The following GLIS3 variants were observed in gnomAD, a reference collection of about 807,000 sequenced individuals.
The protein encoded by GLIS3 is GLIS family zinc finger 3.
A neutral mutation model predicts 78.6 loss-of-function variants in GLIS3; 53 were observed. The ratio of observed to expected loss-of-function variants is 0.67; its 90% CI spans 0.54 to 0.85. GLIS3 has a LOEUF of 0.85. Among genes scored for constraint, GLIS3 ranks in the 40% least tolerant of loss-of-function variants. GLIS3 has a pLI of 0.00. For synonymous variants in GLIS3, 684 were observed against 509.9 expected, an observed-to-expected ratio of 1.34 and a Z score of -4.60; for missense variants, 1,703 against 1,231.1, an observed-to-expected ratio of 1.38 and a Z score of -5.74.
the GLIS3 span, among the ~76,000 whole-genome samples, chr9:4,404,526 G>A: frequency 6.6e-6 from 1 of 152,190 alleles, no homozygotes; most frequent in Non-Finnish European, 1.5e-5. Context: ...CATCTTCTCT[G>A]ATCACATTGG....
At chr9:4,065,367 T>C (rs1028901663) in intron 4 of GLIS3, among the ~76,000 whole-genome samples, 1 of 152,254 alleles carries the variant, frequency 6.6e-6, no homozygotes, top group African/African-American at 2.4e-5. Flanking sequence ...TAATATTTGT[T>C]TTATTTTAAC....
At chr9:4,360,926 C>T in the GLIS3 span, among the ~76,000 whole-genome samples, 3 of 152,302 alleles carry the variant, frequency 2.0e-5, no homozygotes, top group Admixed American at 6.5e-5. Flanking sequence ...TATCTGATGG[C>T]ATTATTTCCA....
chr9:4,059,410 A>C (rs773020566), intron 4 of GLIS3, among the ~76,000 whole-genome samples: 2 of 152,164 alleles, frequency 1.3e-5, no homozygotes, highest in Non-Finnish European at 2.9e-5. Flanking sequence ...ACTACAGAAA[A>C]CTGCCAGAGT....
rs145302465 is a variant in GLIS3, at chr9:3,997,630, C to T, written c.1711-60441G>A. Among the ~76,000 whole-genome samples, 41 of 151,784 alleles carry T rather than the reference C, an allele frequency of 2.7e-4. No homozygotes were observed. The East Asian group carries it at 5.6e-3, about 21-fold the overall frequency. On this transcript the variant is annotated intron_variant, in intron 4 of 10. Coordinates refer to ENST00000381971, the MANE Select transcript of GLIS3 (RefSeq NM_001042413.2). Reference sequence around the variant, plus strand: ...AGGAAAGTAAGATTCATTGATCATGCCACTGAGAAATCAAGGAGAAAATCA... The same window carrying T: ...AGGAAAGTAAGATTCATTGATCATGTCACTGAGAAATCAAGGAGAAAATCA...
intron 2 of GLIS3, among the ~76,000 whole-genome samples, chr9:4,195,514 C>A (rs943072217): frequency 6.6e-6 from 1 of 152,226 alleles, no homozygotes; most frequent in Non-Finnish European, 1.5e-5. Context: ...GAATTCTCGC[C>A]GGGCCTCAGC....
At chr9:4,408,480 G>A in the GLIS3 span, among the ~76,000 whole-genome samples, 1 of 151,298 alleles carries the variant, frequency 6.6e-6, no homozygotes, top group Admixed American at 6.6e-5. Context: ...TGTAATCCCA[G>A]CACTTTTGGA....
the GLIS3 span, among the ~76,000 whole-genome samples, chr9:4,366,287 C>G: frequency 2.0e-5 from 3 of 151,728 alleles, no homozygotes; most frequent in Non-Finnish European, 4.4e-5. Flanking sequence ...TCATTGTCGT[C>G]AAATAATTTT....
intron 4 of GLIS3, among the ~76,000 whole-genome samples, chr9:3,969,448 A>T (rs1383688400): frequency 6.6e-6 from 1 of 152,206 alleles, no homozygotes; most frequent in African/African-American, 2.4e-5. Context: ...CTCAAAGTAG[A>T]CCTTCTTTTG....
intron 4 of GLIS3, among the ~76,000 whole-genome samples, chr9:4,112,340 A>G (rs928935257): frequency 2.0e-5 from 3 of 152,256 alleles, no homozygotes; most frequent in Non-Finnish European, 2.9e-5. Flanking sequence ...ATAATAATGT[A>G]GAGATTACTG....
intron 7 of GLIS3, chr9:3,898,356 C>T (rs1408730008): frequency 2.8e-6 from 1 of 358,720 alleles, no homozygotes; most frequent in African/African-American, 2.1e-5. Flanking sequence ...CACACGCAGC[C>T]TGCTACCTGC....
At chr9:4,038,475 C>A (rs920185037) in intron 4 of GLIS3, among the ~76,000 whole-genome samples, 1 of 152,184 alleles carries the variant, frequency 6.6e-6, no homozygotes, top group South Asian at 2.1e-4. Context: ...AGAGAAATGA[C>A]CACTTGTAAA....
At chr9:4,182,569 G>C (rs1817426389) in intron 2 of GLIS3, among the ~76,000 whole-genome samples, 2 of 152,112 alleles carry the variant, frequency 1.3e-5, no homozygotes, top group Non-Finnish European at 2.9e-5. Context: ...GGGAGTTGTG[G>C]GTATCACCAC....
chr9:4,381,072 C>T, the GLIS3 span, among the ~76,000 whole-genome samples: 1 of 152,116 alleles, frequency 6.6e-6, no homozygotes, highest in East Asian at 1.9e-4. Context: ...TCAGTAGTCA[C>T]TGGTCAGAGG....
At chr9:4,077,045 C>T (rs1828131106) in intron 4 of GLIS3, among the ~76,000 whole-genome samples, 1 of 152,112 alleles carries the variant, frequency 6.6e-6, no homozygotes, top group African/African-American at 2.4e-5. Context: ...GGTGAGAGAC[C>T]AAGACCTTGT....
chr9:3,886,416 A>C (rs149988506), intron 7 of GLIS3, among the ~76,000 whole-genome samples: 3 of 152,178 alleles, frequency 2.0e-5, no homozygotes, highest in African/African-American at 7.2e-5. Flanking sequence ...TTAAAAGATA[A>C]CAAGTCATTT....
intron 2 of GLIS3, among the ~76,000 whole-genome samples, chr9:4,188,470 G>A (rs1346583487): frequency 6.7e-6 from 1 of 149,986 alleles, no homozygotes; most frequent in African/African-American, 2.5e-5. Context: ...TTTTGGTTGT[G>A]TCTCTGCCCG....
the GLIS3 span, among the ~76,000 whole-genome samples, chr9:4,406,619 C>T: frequency 6.6e-6 from 1 of 152,064 alleles, no homozygotes; most frequent in Non-Finnish European, 1.5e-5. Context: ...GATACAAAAT[C>T]AACAAACAAA....
At chr9:4,264,819 T>G (rs1036825646) in intron 2 of GLIS3, among the ~76,000 whole-genome samples, 1 of 152,176 alleles carries the variant, frequency 6.6e-6, no homozygotes, top group African/African-American at 2.4e-5. Context: ...TGAGTGCAGT[T>G]ACTTTGCCTT....
chr9:4,322,289 T>C (rs540186716), intron 2 of GLIS3, among the ~76,000 whole-genome samples: 2 of 152,178 alleles, frequency 1.3e-5, no homozygotes, highest in Non-Finnish European at 2.9e-5. Context: ...TGATGGACAT[T>C]TGGGTTGGTT....
Sources: allele counts gnomAD v4.1 joint callset (sites outside exome capture counted in the v4.1 genomes callset), GRCh38; gene constraint gnomAD v4.1.1; transcripts MANE v1.5; gene names NCBI Gene and HGNC (gene_info 2026-07-23, HGNC 2026-07-21).